The following CELF1 variants were observed in gnomAD, a reference collection of about 807,000 sequenced individuals.
The protein encoded by CELF1 is 50 kDa nuclear polyadenylated RNA-binding protein.
Under a neutral mutation model 61.8 loss-of-function variants are expected in CELF1, and 10 were observed. The ratio of observed to expected loss-of-function variants is 0.16; its 90% CI spans 0.10 to 0.27. The LOEUF (loss-of-function observed/expected upper bound fraction) is 0.27, where lower values mean the gene tolerates loss of function less well. Ranked by LOEUF, CELF1 falls within the 10% of genes least tolerant of loss-of-function variation. The pLI, the probability that CELF1 is intolerant of heterozygous loss-of-function variation, is 1.00. For missense variants in CELF1, 380 were observed against 639.1 expected (o/e 0.59, Z 4.37); for synonymous variants, 236 against 225.1 (o/e 1.05, Z -0.43).
rs1596533259 is a variant in CELF1, at chr11:47,488,689, G to T, written c.259+148C>A. ...TTTTTTCCAATAGACAGACAGACAG[G>T]AGTATTCTGGCAATGACAGAGAGAA... On this transcript the variant is annotated intron_variant, in intron 4 of 14. Coordinates refer to ENST00000687097, the MANE Select transcript of CELF1 (RefSeq NM_001376376.1). The T allele has an allele frequency of 7.3e-6, 4 of 546,174 alleles. No homozygotes were observed. In the East Asian group the frequency reaches 1.2e-4, roughly 17 times the overall value. The allele number at this position is 546,174 out of a possible 1,614,324, so 33.8% of individuals were successfully genotyped here. A position where few individuals can be genotyped will look rare whatever the true frequency, so the allele number is the denominator to read the frequency against.
At chr11:47,551,414 G>A (rs1180791521) in intron 1 of CELF1, among the ~76,000 whole-genome samples, 1 of 152,188 alleles carries the variant, frequency 6.6e-6, no homozygotes, top group East Asian at 1.9e-4. Flanking sequence ...GCTAACTCAT[G>A]ATCAGAAACC....
chr11:47,504,420 A>T (rs375818187), intron 1 of CELF1, among the ~76,000 whole-genome samples: 2 of 151,750 alleles, frequency 1.3e-5, no homozygotes, highest in East Asian at 3.9e-4. Flanking sequence ...CTACAAAAAA[A>T]TACAAAAAAT....
intron 12 of CELF1, among the ~76,000 whole-genome samples, chr11:47,475,886 C>T (rs1565744871): frequency 6.6e-6 from 1 of 152,122 alleles, no homozygotes; most frequent in Non-Finnish European, 1.5e-5. Flanking sequence ...TGATTTCTGA[C>T]AAGATGTGGG....
chr11:47,519,963 A>C (rs2095796919), intron 1 of CELF1, among the ~76,000 whole-genome samples: 1 of 151,866 alleles, frequency 6.6e-6, no homozygotes, highest in Admixed American at 6.6e-5. Context: ...GTTCCACAAA[A>C]TTTAACTTGT....
intron 1 of CELF1, among the ~76,000 whole-genome samples, chr11:47,517,781 C>T (rs1431195088): frequency 6.6e-6 from 1 of 151,958 alleles, no homozygotes; most frequent in African/African-American, 2.4e-5. Context: ...GCCTCCCGAG[C>T]AGCTGGGATT....
At chr11:47,547,626 G>A (rs1213043977) in intron 1 of CELF1, among the ~76,000 whole-genome samples, 6 of 143,706 alleles carry the variant, frequency 4.2e-5, no homozygotes, top group East Asian at 2.1e-4. Context: ...CCGAGATCGC[G>A]CCACTGCACT....
intron 1 of CELF1, among the ~76,000 whole-genome samples, chr11:47,512,173 G>A (rs564053340): frequency 2.2e-4 from 34 of 151,796 alleles, no homozygotes; most frequent in African/African-American, 8.0e-4. Flanking sequence ...TTTGTTTTGA[G>A]ATGGAGTCCC....
intron 4 of CELF1, among the ~76,000 whole-genome samples, chr11:47,487,800 C>T (rs2088471238): frequency 6.6e-6 from 1 of 152,166 alleles, no homozygotes; most frequent in African/African-American, 2.4e-5. Flanking sequence ...TATAATTAAG[C>T]TTCTAAAAGC....
chr11:47,526,554 C>A (rs1017714508), intron 1 of CELF1, among the ~76,000 whole-genome samples: 3 of 152,166 alleles, frequency 2.0e-5, no homozygotes, highest in African/African-American at 7.2e-5. Flanking sequence ...GACCATAACT[C>A]AGCATCCACT....
chr11:47,509,217 T>C (rs1565854946), intron 1 of CELF1, among the ~76,000 whole-genome samples: 1 of 152,356 alleles, frequency 6.6e-6, no homozygotes, highest in East Asian at 1.9e-4. Flanking sequence ...TTTTACATCT[T>C]TCCTTTCATT....
At chr11:47,527,006 G>A (rs901289622) in intron 1 of CELF1, among the ~76,000 whole-genome samples, 2 of 151,532 alleles carry the variant, frequency 1.3e-5, no homozygotes, top group African/African-American at 2.4e-5. Context: ...AGCCGAGATT[G>A]TGCCACTGCA....
intron 1 of CELF1, among the ~76,000 whole-genome samples, chr11:47,535,775 TTTC>T (rs2096614928): frequency 1.3e-5 from 2 of 151,490 alleles, no homozygotes; most frequent in African/African-American, 4.9e-5. Flanking sequence ...TTTTTGTTTT[TTTC>T]TTGAGATAGG....
chr11:47,547,739 T>C (rs1215949643), intron 1 of CELF1, among the ~76,000 whole-genome samples: 6 of 149,714 alleles, frequency 4.0e-5, no homozygotes, highest in Non-Finnish European at 5.9e-5. Context: ...GCAGGGACCC[T>C]GAAAACAACA....
intron 3 of CELF1, among the ~76,000 whole-genome samples, chr11:47,494,124 G>A (rs2092559253): frequency 6.6e-6 from 1 of 152,170 alleles, no homozygotes; most frequent in Non-Finnish European, 1.5e-5. Context: ...ATTCCTAAGA[G>A]GCAAGTCTAT....
At chr11:47,551,522 T>G (rs2097136418) in intron 1 of CELF1, among the ~76,000 whole-genome samples, 1 of 152,222 alleles carries the variant, frequency 6.6e-6, no homozygotes, top group Non-Finnish European at 1.5e-5. Flanking sequence ...TTCCATGATT[T>G]TCTAAGTGGA....
intron 2 of CELF1, among the ~76,000 whole-genome samples, chr11:47,563,048 C>T (rs4752848): frequency 0.21 from 31,943 of 151,478 alleles, 3,945 homozygotes; most frequent in African/African-American, 0.31. Context: ...GAGACCCCAT[C>T]GCTACAAATA....
rs1206141521 is a variant in CELF1 at position 47,545,850 on chromosome 11, C to CGTGT, written c.-154+7138_-154+7141dup. Among the ~76,000 whole-genome samples, 116 of 124,104 alleles carry CGTGT rather than the reference C, an allele frequency of 9.3e-4. 1 individual carries two copies. The highest frequency in any genetic ancestry group is 1.5e-3 in the South Asian group (5 of 3,280). The allele number at this position is 124,104 out of a possible 152,430, so 81.4% of individuals were successfully genotyped here. Reference sequence around the variant, plus strand: ...CCAGCCCCTCTCTCTCATATGTATACGTGTGTGTGTGTGTGTCTGCGTGTG... The same window carrying CGTGT: ...CCAGCCCCTCTCTCTCATATGTATACGTGTGTGTGTGTGTGTGTGTCTGCGTGTG... On this transcript the variant is annotated intron_variant, in intron 1 of 14. Coordinates refer to ENST00000687097, the MANE Select transcript of CELF1 (RefSeq NM_001376376.1).
intron 1 of CELF1, among the ~76,000 whole-genome samples, chr11:47,539,814 T>C (rs954760163): frequency 6.6e-6 from 1 of 152,216 alleles, no homozygotes; most frequent in African/African-American, 2.4e-5. Flanking sequence ...TTCTCATCTA[T>C]GCTTCTTTCC....
upstream of CELF1, among the ~76,000 whole-genome samples, chr11:47,555,196 A>G (rs1369459083): frequency 1.3e-5 from 2 of 152,204 alleles, no homozygotes; most frequent in Non-Finnish European, 2.9e-5. Context: ...CGCCTTTAGA[A>G]GCTTCTTGGA....
Sources: gnomAD v4.1 joint callset for allele counts (sites outside exome capture counted in the v4.1 genomes callset) on GRCh38, gnomAD v4.1.1 for gene constraint, MANE v1.5 for transcripts, NCBI Gene and HGNC (gene_info 2026-07-23, HGNC 2026-07-21) for gene names.